PCDHGB1: variants seen among roughly 807,000 people sequenced by gnomAD.
PCDHGB1 encodes the protein protocadherin gamma-B1.
In PCDHGB1, 34 loss-of-function variants were observed where a neutral mutation model predicts 56.6. That is an observed-to-expected ratio of 0.60 (90% confidence interval 0.46 to 0.80). The LOEUF (loss-of-function observed/expected upper bound fraction) is 0.80, where lower values mean the gene tolerates loss of function less well. Ranked by LOEUF, PCDHGB1 falls within the 30% of genes least tolerant of loss-of-function variation. The pLI is 0.00. For synonymous variants in PCDHGB1, 561 were observed against 505.9 expected (o/e 1.11, Z -1.46); for missense variants, 1,278 against 1,204.6 (o/e 1.06, Z -0.90).
intron 1 of PCDHGB1, chr5:141,367,483 G>A (rs971322037): frequency 1.5e-4 from 23 of 152,288 alleles, no homozygotes; most frequent in African/African-American, 5.5e-4. Flanking sequence ...CTTGCAGTAA[G>A]CCGAGATCGC....
At chr5:141,389,328 A>T in intron 1 of PCDHGB1, 1 of 1,613,972 alleles carries the variant, frequency 6.2e-7, no homozygotes. Flanking sequence ...CTTGGGGCCC[A>T]ACGGCCAAGT....
intron 1 of PCDHGB1, chr5:141,398,592 A>G: frequency 6.2e-7 from 1 of 1,614,068 alleles, no homozygotes; most frequent in South Asian, 1.1e-5. Flanking sequence ...TTATACTAGA[A>G]GTAGCAGAAG....
chr5:141,362,404 G>A, intron 1 of PCDHGB1: 1 of 1,614,000 alleles, frequency 6.2e-7, no homozygotes. Context: ...CCTGTGTGTT[G>A]CCTCACAATC....
At position 141,351,252 on chromosome 5, in the gene PCDHGB1, T is replaced by C. The variant is rs755083201; in HGVS notation, c.992T>C (p.Ile331Thr). ...CACACAGCTCACTGTAATGTTCAAA[T>C]AGAAATTGTTGACGAGAATGACAAT... ...GVHTAHCNVQ[I>T]EIVDENDNAP... Residue 331 changes from isoleucine to threonine, a missense_variant, in exon 1 of 4, where the codon ATA (isoleucine) becomes ACA (threonine). Transcript: ENST00000523390. 5.6e-6 allele frequency: 9 copies of C among 1,613,836 alleles called. No individual in the cohort carries two copies. The South Asian group carries it at 9.9e-5, about 18-fold the overall frequency.
intron 1 of PCDHGB1, chr5:141,362,537 C>T (rs1366233043): frequency 6.2e-7 from 1 of 1,613,822 alleles, no homozygotes. Flanking sequence ...GTCCCTTTTG[C>T]CTCAGATACT....
At chr5:141,426,581 CCT>C (rs898552856) in intron 1 of PCDHGB1, 1 of 358,350 alleles carries the variant, frequency 2.8e-6, no homozygotes, top group Non-Finnish European at 5.6e-6. Flanking sequence ...TCTTCAAAAT[CCT>C]CTGTGTCATA....
rs773093341 is a variant in PCDHGB1, at chr5:141,351,452, T to G, written c.1192T>G (p.Tyr398Asp). 2 of 1,613,112 alleles carry G rather than the reference T, an allele frequency of 1.2e-6. No individual in the cohort carries two copies. The highest frequency in any genetic ancestry group is 2.7e-5 in the African/African-American group (2 of 74,896). The change falls in exon 1 of 4, where the codon TAC becomes GAC. Residue 398 changes from tyrosine (Y) to aspartate (D), a missense_variant. Physicochemically the swap from Tyr to Asp is radical, Grantham distance 160. Coordinates refer to ENST00000523390, the MANE Select transcript of PCDHGB1 (RefSeq NM_018922.3). ...ATTAGAATCCACCTCGAAGAATTAT[T>G]ACAAGCTGGTGATTGCTGGAGCCCT... ...FKLESTSKNY[Y>D]KLVIAGALNR... is the part of the protein sequence containing the mutation.
intron 1 of PCDHGB1, among the ~76,000 whole-genome samples, chr5:141,448,604 A>G (rs954578256): frequency 1.3e-5 from 2 of 152,118 alleles, no homozygotes; most frequent in Non-Finnish European, 2.9e-5. Flanking sequence ...AATACTATAC[A>G]CCACTTTATA....
intron 1 of PCDHGB1, chr5:141,420,293 A>G: frequency 1.3e-6 from 2 of 1,485,602 alleles, no homozygotes; most frequent in Non-Finnish European, 9.1e-7. Context: ...TTAAAAATGT[A>G]TTTAATCCTT....
At position 141,395,404 on chromosome 5, in the gene PCDHGB1, T is replaced by G. The variant is rs1482913976; in HGVS notation, c.2409+42735T>G. 24 of 836,172 alleles carry G rather than the reference T, an allele frequency of 2.9e-5. No homozygotes were observed. The East Asian group carries it at 6.2e-4, about 21-fold the overall frequency. 51.8% of individuals were successfully genotyped at this position (836,172 alleles called of 1,614,324 possible). A position where few individuals can be genotyped will look rare whatever the true frequency, so the allele number is the denominator to read the frequency against. ...CTATAAAATTGAACTCTAATAGTCA[T>G]AGGTTATTGTTTCATTTGCTTTTAA... On this transcript the variant is annotated intron_variant, in intron 1 of 3. Transcript: ENST00000523390.
At chr5:141,462,157 A>C (rs1232551906) in intron 1 of PCDHGB1, among the ~76,000 whole-genome samples, 1 of 151,394 alleles carries the variant, frequency 6.6e-6, no homozygotes, top group African/African-American at 2.4e-5. Flanking sequence ...ATGGGGTTTC[A>C]TCATGTTGGC....
At chr5:141,365,727 C>A (rs2149880807) in intron 1 of PCDHGB1, 1 of 1,613,786 alleles carries the variant, frequency 6.2e-7, no homozygotes, top group Non-Finnish European at 8.5e-7. Flanking sequence ...GAAAACAATC[C>A]CAGAGGTGTC....
At chr5:141,481,703 C>T (rs909197135) in intron 1 of PCDHGB1, among the ~76,000 whole-genome samples, 1 of 152,090 alleles carries the variant, frequency 6.6e-6, no homozygotes, top group Admixed American at 6.5e-5. Context: ...CCTGTAATCC[C>T]AGCACTTTGG....
chr5:141,493,962 T>C lies in PCDHGB1; in HGVS notation c.2410-845T>C, dbSNP rs550317675. 6.6e-6 allele frequency among the ~76,000 whole-genome samples: 1 copy of C among 152,320 alleles called. No homozygotes were observed. Among genetic ancestry groups the C allele is most frequent in the African/African-American group, 2.4e-5 (1 of 41,578 alleles). ...AGAAGGGACTCAGGAATGAAGTGGC[T>C]GGCCAGAGCCCCACACCTTCAGCTA... is the stretch of plus-strand genomic sequence containing the variant. On this transcript the variant is annotated intron_variant, in intron 1 of 3. Coordinates refer to ENST00000523390, the MANE Select transcript of PCDHGB1 (RefSeq NM_018922.3). This position sits in a 1 kb window ranked among gnomAD's most constrained non-coding sequence, Gnocchi z 4.3.
At position 141,374,455 on chromosome 5, in the gene PCDHGB1, G is replaced by A. The variant is rs772470084; in HGVS notation, c.2409+21786G>A. 3.7e-6 allele frequency: 6 copies of A among 1,613,610 alleles called. No homozygotes were observed. In the South Asian group the frequency reaches 5.5e-5, roughly 15 times the overall value. The stretch of plus-strand genomic sequence containing the variant: ...TTTATCCCGTGGAAGTGGAAATAGT[G>A]GACATTAATGACAATACACCCCGAT... On this transcript the variant is annotated intron_variant, in intron 1 of 3. Coordinates refer to ENST00000523390, the MANE Select transcript of PCDHGB1 (RefSeq NM_018922.3).
intron 1 of PCDHGB1, among the ~76,000 whole-genome samples, chr5:141,459,646 T>C (rs2098972004): frequency 6.6e-6 from 1 of 152,266 alleles, no homozygotes; most frequent in Non-Finnish European, 1.5e-5. Context: ...TTTTTCAAAA[T>C]GGTAATATCA....
At chr5:141,484,857 G>C in intron 1 of PCDHGB1, 1 of 264,370 alleles carries the variant, frequency 3.8e-6, no homozygotes. Flanking sequence ...TTTTTGGGGG[G>C]TGGGGGAGCG....
intron 1 of PCDHGB1, chr5:141,408,084 G>A (rs564149257): frequency 7.5e-5 from 106 of 1,418,874 alleles, no homozygotes; most frequent in Middle Eastern, 2.5e-4. Context: ...CCAGCACAGC[G>A]GATTGCCAGC....
rs201386958 is a variant in PCDHGB1 at position 141,413,172 on chromosome 5, T to G, written c.2409+60503T>G. 2.6e-4 allele frequency: 413 copies of G among 1,598,292 alleles called. 3 individuals carry two copies. In the East Asian group the frequency reaches 7.0e-3, roughly 27 times the overall value. ...ACTTTGCAGAATTCTGTAACCAGACTACAATGGCCGCTCAAAGGAATCGCT... is the reference window on the plus strand; with the variant it reads ...ACTTTGCAGAATTCTGTAACCAGACGACAATGGCCGCTCAAAGGAATCGCT... On this transcript the variant is annotated intron_variant, in intron 1 of 3. Coordinates refer to ENST00000523390, the MANE Select transcript of PCDHGB1 (RefSeq NM_018922.3).
Sources: allele counts gnomAD v4.1 joint callset (sites outside exome capture counted in the v4.1 genomes callset), GRCh38; gene constraint gnomAD v4.1.1; non-coding constraint Gnocchi (gnomAD v3.1); transcripts MANE v1.5; gene names NCBI Gene and HGNC (gene_info 2026-07-23, HGNC 2026-07-21).